Variants in SPTBN2 observed in about 807,000 individuals in gnomAD.
SPTBN2 encodes the protein spectrin beta, non-erythrocytic 2, also known as spectrin beta chain, non-erythrocytic 2.
SPTBN2 carries 107 observed loss-of-function variants against 284.2 expected under a neutral mutation model. That is an observed-to-expected ratio of 0.38 (90% CI 0.32 to 0.44). SPTBN2 has a LOEUF of 0.44. SPTBN2 is among the 20% of genes least tolerant of loss of function. SPTBN2 has a pLI of 1.00. For synonymous variants in SPTBN2, 1,289 were observed against 1,354.8 expected, an observed-to-expected ratio of 0.95 and a Z score of 1.07; for missense variants, 2,569 against 3,287.1, an observed-to-expected ratio of 0.78 and a Z score of 5.34.
intron 21 of SPTBN2, among the ~76,000 whole-genome samples, chr11:66,696,049 C>A (rs917941190): frequency 1.3e-5 from 2 of 152,094 alleles, no homozygotes; most frequent in African/African-American, 4.8e-5. Context: ...ATTAATATTT[C>A]TTTTTACTGA....
intron 1 of SPTBN2, among the ~76,000 whole-genome samples, chr11:66,722,148 G>C (rs1296760136): frequency 6.6e-6 from 1 of 152,198 alleles, no homozygotes; most frequent in Non-Finnish European, 1.5e-5. Context: ...TTGCCACAGA[G>C]AATGTTAGTA....
rs1161307776 is a variant in SPTBN2 at position 66,707,164 on chromosome 11, C to A, written c.1653+352G>T. ...TGCCCGGAACATTCTCTCCTGAGAG[C>A]TCTCTGTGCTGGCTCCTGGCACTAT... On this transcript the variant is annotated intron_variant, in intron 13 of 37. Transcript: ENST00000533211. The surrounding 1 kb of genome is among the most constrained non-coding windows in gnomAD (Gnocchi z 4.9). 6.6e-6 allele frequency among the ~76,000 whole-genome samples: 1 copy of A among 152,274 alleles called. No homozygotes were observed. The highest frequency in any genetic ancestry group is 1.5e-5 in the Non-Finnish European group (1 of 68,056).
Position 66,688,348 on chromosome 11 carries a change from G to A in SPTBN2, c.6232-37C>T, listed in dbSNP as rs148166666. On this transcript the variant is annotated intron_variant, in intron 31 of 37. Coordinates refer to ENST00000533211, the MANE Select transcript of SPTBN2 (RefSeq NM_006946.4). The stretch of plus-strand genomic sequence containing the variant: ...TGCTGCATTCAGCGTGTAGAAGGTT[G>A]CGTGTAAGAGGGCCAGGGAAACAGG... 198 of 1,554,060 alleles carry A rather than the reference G, an allele frequency of 1.3e-4. No individual in the cohort carries two copies. The African/African-American group carries it at 2.4e-3, about 19-fold the overall frequency.
chr11:66,725,792 C>T (rs1942599422), intron 1 of SPTBN2, among the ~76,000 whole-genome samples: 6 of 152,188 alleles, frequency 3.9e-5, no homozygotes, highest in Admixed American at 3.9e-4. Flanking sequence ...AGACTAGGCT[C>T]ACCGTGCCGA....
upstream of SPTBN2, among the ~76,000 whole-genome samples, chr11:66,733,679 A>G (rs1242289360): frequency 6.6e-6 from 1 of 152,152 alleles, no homozygotes; most frequent in Non-Finnish European, 1.5e-5. Flanking sequence ...AATAGATGGT[A>G]ATTGAAGGGG....
Position 66,687,324 on chromosome 11 carries a change from TA to T in SPTBN2, c.6722+102del. The T allele has an allele frequency of 6.4e-7, 1 of 1,556,280 alleles. No homozygotes were observed. Among genetic ancestry groups the T allele is most frequent in the South Asian group, 1.1e-5 (1 of 89,730 alleles). On this transcript the variant is annotated intron_variant, in intron 35 of 37. Transcript: ENST00000533211. This position sits in a 1 kb window ranked among gnomAD's most constrained non-coding sequence, Gnocchi z 5.2. ...GAGGCCCCGCTCTGGTCCCAAGTCCTACCCTTTGCCCAGAAGATGTACTCTA... is the reference window on the plus strand; with the variant it reads ...GAGGCCCCGCTCTGGTCCCAAGTCCTCCCTTTGCCCAGAAGATGTACTCTA...
chr11:66,744,139 G>T (rs1332336343), intron 1 of SPTBN2, among the ~76,000 whole-genome samples: 1 of 152,176 alleles, frequency 6.6e-6, no homozygotes, highest in East Asian at 1.9e-4. Flanking sequence ...GGGATGACGG[G>T]CGTGAGCCAC....
intron 29 of SPTBN2, chr11:66,689,414 C>T: frequency 5.4e-6 from 3 of 551,404 alleles, no homozygotes; most frequent in Non-Finnish European, 9.7e-6. Flanking sequence ...GCTGGGATTA[C>T]AGGTGCCCGC....
Position 66,688,087 on chromosome 11 carries a change from G to A in SPTBN2, c.6375-8C>T, listed in dbSNP as rs1029501139. On this transcript the variant is annotated splice_region_variant and splice_polypyrimidine_tract_variant and intron_variant, in intron 32 of 37. Transcript: ENST00000533211. ...GGTGGCCGTGGCTGGGTTCTGGGAT[G>A]ACCAAAGGCAACACAGAATCATTAG... is the stretch of plus-strand genomic sequence containing the variant. 3.1e-6 allele frequency: 5 copies of A among 1,613,902 alleles called. No homozygotes were observed. In the African/African-American group the frequency reaches 5.3e-5, roughly 17 times the overall value.
In SPTBN2 at chr11:66,700,850, G is replaced by T. The variant is rs747075526; in HGVS notation, c.3249C>A (p.Arg1083=). 2 of 1,600,128 alleles carry T rather than the reference G, an allele frequency of 1.2e-6. No individual in the cohort carries two copies. The highest frequency in any genetic ancestry group is 3.3e-5 in the Admixed American group (2 of 60,012). ...CTTCAGAGGCCACAGCAGTCTGAGT[G>T]CGGCCTAGCCAGGCCTGGAAGTCAT... ...SLDDFQAWLG[R]TQTAVASEEG... Residue 1083 remains arginine, a synonymous_variant, in exon 17 of 38, where the codon CGC becomes CGA. Coordinates refer to ENST00000533211, the MANE Select transcript of SPTBN2 (RefSeq NM_006946.4). This position sits in a 1 kb window ranked among gnomAD's most constrained non-coding sequence, Gnocchi z 6.6.
Position 66,708,962 on chromosome 11 carries a change from C to T in SPTBN2, c.1131G>A (p.Arg377=), listed in dbSNP as rs376020770. Residue 377 remains arginine, a synonymous_variant, in exon 11 of 38, where the codon CGG becomes CGA. Transcript: ENST00000533211. This position sits in a 1 kb window ranked among gnomAD's most constrained non-coding sequence, Gnocchi z 4.4. ...GCGTGTAGACCTTCTGGTTGTTGGC[C>T]CGAAGCTTGCTCTGGATGGTGAAGA... ...VLLFTIQSKL[R]ANNQKVYTPR... 7 of 1,613,782 alleles carry T rather than the reference C, an allele frequency of 4.3e-6. No individual in the cohort carries two copies. The highest frequency in any genetic ancestry group is 4.2e-6 in the Non-Finnish European group (5 of 1,179,922).
At position 66,710,570 on chromosome 11, in the gene SPTBN2, A is replaced by T. The variant is rs766283584; in HGVS notation, c.1073+12T>A. 7 of 1,612,576 alleles carry T rather than the reference A, an allele frequency of 4.3e-6. No individual in the cohort carries two copies. The Admixed American group carries it at 1.2e-4, about 27-fold the overall frequency. ...ACAGCTCAGGGAAGGGTGGGGCCCCAGGGACACCTACTTGGGCGGCTTCTC... is the reference window on the plus strand; with the variant it reads ...ACAGCTCAGGGAAGGGTGGGGCCCCTGGGACACCTACTTGGGCGGCTTCTC... On this transcript the variant is annotated intron_variant, in intron 10 of 37. Transcript: ENST00000533211. The surrounding 1 kb of genome is among the most constrained non-coding windows in gnomAD (Gnocchi z 4.9).
intron 1 of SPTBN2, among the ~76,000 whole-genome samples, chr11:66,742,993 G>T (rs796636777): frequency 9.8e-5 from 15 of 152,300 alleles, no homozygotes; most frequent in African/African-American, 3.6e-4. Flanking sequence ...TTTCTTACAA[G>T]ATAGTTGAGA....
rs1211416414 is a variant in SPTBN2 at position 66,684,528 on chromosome 11, G to C, written c.*1343C>G. ...CATGTGCCTGTGGTTCAGGCTACTC[G>C]GGAGGCTGAGGTGGGAGGATTGCTT... On this transcript the variant is annotated 3_prime_UTR_variant, in exon 38 of 38. Transcript: ENST00000533211. Among the ~76,000 whole-genome samples the C allele has an allele frequency of 6.6e-6, 1 of 151,986 alleles. No homozygotes were observed. The highest frequency in any genetic ancestry group is 1.5e-5 in the Non-Finnish European group (1 of 68,006).
At chr11:66,692,479 G>T in intron 26 of SPTBN2, 57 bp downstream of exon 26, 1 of 1,589,876 alleles carries the variant, frequency 6.3e-7, no homozygotes, top group Non-Finnish European at 8.5e-7. Flanking sequence ...TAGTCTCCCT[G>T]TGGGTCCTCC....
intron 10 of SPTBN2, 112 bp from the exon 11 acceptor site, chr11:66,709,131 T>A (rs1482693085): frequency 1.1e-6 from 1 of 878,458 alleles, no homozygotes; most frequent in South Asian, 1.4e-5. Context: ...AAAAGCAATA[T>A]AAACTTTTTA....
chr11:66,721,971 T>C (rs1942424739), intron 1 of SPTBN2, among the ~76,000 whole-genome samples: 2 of 151,538 alleles, frequency 1.3e-5, no homozygotes, highest in African/African-American at 4.9e-5. Flanking sequence ...TGCTTGAACC[T>C]GGGCGCACCT....
chr11:66,716,183 AAGAC>A (rs1337046493), intron 3 of SPTBN2, among the ~76,000 whole-genome samples: 1 of 152,032 alleles, frequency 6.6e-6, no homozygotes, highest in Non-Finnish European at 1.5e-5. Context: ...AGAAAGATGA[AAGAC>A]AGAAAATAGG....
chr11:66,705,874 GCA>G, intron 13 of SPTBN2, 37 bp from the exon 14 acceptor site: 1 of 1,604,702 alleles, frequency 6.2e-7, no homozygotes, highest in Non-Finnish European at 8.5e-7. Flanking sequence ...GCCCGCCTGA[GCA>G]CAGACGCGCT....
Sources: gnomAD v4.1 joint callset for allele counts (sites outside exome capture counted in the v4.1 genomes callset) on GRCh38, gnomAD v4.1.1 for gene constraint, Gnocchi (gnomAD v3.1) non-coding constraint, MANE v1.5 for transcripts, NCBI Gene and HGNC (gene_info 2026-07-23, HGNC 2026-07-21) for gene names.